The following RABEP1 variants were observed in gnomAD, a reference collection of about 807,000 sequenced individuals.
RABEP1 encodes rabaptin, RAB GTPase binding effector protein 1.
Under a neutral mutation model 123.4 loss-of-function variants are expected in RABEP1, and 51 were observed. The observed-to-expected ratio is 0.41, with a 90% CI of 0.33 to 0.52. The LOEUF is 0.52. RABEP1 is among the 20% of genes least tolerant of loss of function. The pLI is 0.16. For synonymous variants in RABEP1, 347 were observed against 355.2 expected (o/e 0.98, Z 0.26); for missense variants, 888 against 996.3 (o/e 0.89, Z 1.46).
At chr17:5,357,334 A>G (rs1909111877) in intron 8 of RABEP1, among the ~76,000 whole-genome samples, 1 of 152,092 alleles carries the variant, frequency 6.6e-6, no homozygotes, top group Non-Finnish European at 1.5e-5. Context: ...GTGTCAATGT[A>G]CCATAATTCT....
chr17:5,294,633 CTTTTTT>C (rs1185209680), intron 1 of RABEP1, among the ~76,000 whole-genome samples: 8 of 53,028 alleles, frequency 1.5e-4, no homozygotes, highest in African/African-American at 3.3e-4. Flanking sequence ...ACGGTATTGT[CTTTTTT>C]TTTTTTTTTT....
intron 6 of RABEP1, among the ~76,000 whole-genome samples, chr17:5,348,839 G>A (rs947452810): frequency 6.6e-6 from 1 of 152,140 alleles, no homozygotes; most frequent in Non-Finnish European, 1.5e-5. Context: ...GGGATTACAG[G>A]CATGAGCCAC....
At chr17:5,299,977 C>T (rs915514464) in intron 1 of RABEP1, among the ~76,000 whole-genome samples, 7 of 151,876 alleles carry the variant, frequency 4.6e-5, no homozygotes, top group Non-Finnish European at 1.0e-4. Flanking sequence ...ATCTGCCCAC[C>T]TCGGCCTCCC....
chr17:5,367,938 G>A (rs1204322436), intron 11 of RABEP1, among the ~76,000 whole-genome samples: 2 of 150,762 alleles, frequency 1.3e-5, no homozygotes, highest in African/African-American at 2.4e-5. Flanking sequence ...TTTACTTTTA[G>A]TAGAGATGGG....
chr17:5,348,072 G>T (rs1351439229), intron 6 of RABEP1, among the ~76,000 whole-genome samples: 1 of 152,064 alleles, frequency 6.6e-6, no homozygotes, highest in Non-Finnish European at 1.5e-5. Flanking sequence ...CCACCTCCTG[G>T]GTTCAAGTGA....
chr17:5,328,800 A>T (rs898633981), intron 2 of RABEP1, among the ~76,000 whole-genome samples: 2 of 151,422 alleles, frequency 1.3e-5, no homozygotes, highest in Non-Finnish European at 2.9e-5. Flanking sequence ...AAACTACAAA[A>T]ATTCGCCAGG....
At chr17:5,292,845 C>T (rs143043645) in intron 1 of RABEP1, among the ~76,000 whole-genome samples, 338 of 152,132 alleles carry the variant, frequency 2.2e-3, no homozygotes, top group African/African-American at 7.6e-3. Flanking sequence ...CCATGCCTCG[C>T]TAGTTTTTGT....
intron 15 of RABEP1, 35 bp from the exon 16 acceptor site, chr17:5,380,329 G>A (rs1367059591): frequency 1.7e-5 from 25 of 1,444,428 alleles, no homozygotes; most frequent in Non-Finnish European, 2.4e-5. Flanking sequence ...CCCAGAGGGA[G>A]TTTCTGTGAG....
chr17:5,307,474 A>G (rs930515776), intron 1 of RABEP1, among the ~76,000 whole-genome samples: 4 of 152,208 alleles, frequency 2.6e-5, no homozygotes, highest in African/African-American at 9.6e-5. Context: ...ATAATCTCAG[A>G]TCTTGATTAA....
intron 2 of RABEP1, among the ~76,000 whole-genome samples, chr17:5,325,038 C>A (rs1422860596): frequency 6.6e-6 from 1 of 152,126 alleles, no homozygotes; most frequent in African/African-American, 2.4e-5. Context: ...AATCGCTGGG[C>A]ATGGTGGCTC....
intron 8 of RABEP1, 126 bp downstream of exon 8, chr17:5,354,616 G>A: frequency 1.2e-6 from 1 of 820,572 alleles, no homozygotes. Context: ...GTGAAAGTTA[G>A]ATAAAAATGA....
rs188336388 is a variant in RABEP1 at position 5,380,726 on chromosome 17, G to A, written c.2370+264G>A. Among the ~76,000 whole-genome samples, 4 of 152,358 alleles carry A rather than the reference G, an allele frequency of 2.6e-5. No homozygotes were observed. The East Asian group carries it at 7.7e-4, about 29-fold the overall frequency. Reference sequence around the variant, plus strand: ...GGGCCATTGACCAAGCCTGGGCACTGCCCAGTTAGAAGCACTGCTTTGAAA... The same window carrying A: ...GGGCCATTGACCAAGCCTGGGCACTACCCAGTTAGAAGCACTGCTTTGAAA... On this transcript the variant is annotated intron_variant, in intron 16 of 17. Transcript: ENST00000537505.
chr17:5,340,817 G>A (rs1365580708), intron 5 of RABEP1, among the ~76,000 whole-genome samples: 1 of 151,378 alleles, frequency 6.6e-6, no homozygotes, highest in Admixed American at 6.6e-5. Context: ...GCGTGGTGGC[G>A]GGCGCCTATA....
intron 1 of RABEP1, among the ~76,000 whole-genome samples, chr17:5,291,465 C>A (rs879357948): frequency 6.6e-6 from 1 of 152,130 alleles, no homozygotes; most frequent in African/African-American, 2.4e-5. Flanking sequence ...TTTTATTCTA[C>A]ATTTTAAATT....
chr17:5,382,080 C>T (rs1163300277), intron 17 of RABEP1, among the ~76,000 whole-genome samples: 3 of 129,042 alleles, frequency 2.3e-5, no homozygotes, highest in Admixed American at 7.7e-5. Context: ...AATGGAACTT[C>T]GGATTTTTTT....
chr17:5,333,523 T>C (rs1906763373), intron 3 of RABEP1, among the ~76,000 whole-genome samples: 1 of 152,178 alleles, frequency 6.6e-6, no homozygotes, highest in African/African-American at 2.4e-5. Flanking sequence ...TTTGCAATTG[T>C]GTATCACTTT....
Position 5,383,170 on chromosome 17 carries a change from G to A in RABEP1, c.2536G>A (p.Ala846Thr). 1.2e-6 allele frequency: 2 copies of A among 1,614,092 alleles called. No individual in the cohort carries two copies. The highest frequency in any genetic ancestry group is 1.7e-6 in the Non-Finnish European group (2 of 1,180,026). ...AGCTGACTCCTTGGAGAGAATCCGG[G>A]CAATTCTGAATGATACTAAACTGAC... ...RQADSLERIR[A>T]ILNDTKLTDI... The change falls in exon 18 of 18, where the codon GCA (alanine) becomes ACA (threonine). Residue 846 changes from alanine to threonine, a missense_variant. By Grantham distance (58) the Ala-to-Thr change is moderately conservative. Coordinates refer to ENST00000537505, the MANE Select transcript of RABEP1 (RefSeq NM_004703.6).
chr17:5,307,027 G>A (rs1321797351), intron 1 of RABEP1, among the ~76,000 whole-genome samples: 1 of 152,040 alleles, frequency 6.6e-6, no homozygotes, highest in Non-Finnish European at 1.5e-5. Flanking sequence ...ACTTTGAGAA[G>A]CTTATGGAAG....
intron 1 of RABEP1, among the ~76,000 whole-genome samples, chr17:5,290,541 T>A (rs552572105): frequency 6.6e-6 from 1 of 152,276 alleles, no homozygotes; most frequent in East Asian, 1.9e-4. Context: ...CATTAACATC[T>A]TTACAATTAA....
Sources: gnomAD v4.1 joint callset for allele counts (sites outside exome capture counted in the v4.1 genomes callset) on GRCh38, gnomAD v4.1.1 for gene constraint, MANE v1.5 for transcripts, NCBI Gene and HGNC (gene_info 2026-07-23, HGNC 2026-07-21) for gene names.